SCMH1: variants seen among roughly 807,000 people sequenced by gnomAD.
SCMH1 encodes the protein polycomb protein SCMH1.
SCMH1 carries 37 observed loss-of-function variants against 70.8 expected under a neutral mutation model. The observed-to-expected ratio is 0.52, with a 90% confidence interval of 0.40 to 0.69. SCMH1 has a LOEUF of 0.69. Ranked by LOEUF, SCMH1 falls within the 30% of genes least tolerant of loss-of-function variation. The probability of loss-of-function intolerance (pLI) is 0.00; values close to 1 mark genes in which losing one functional copy is unlikely to be tolerated. For missense variants in SCMH1, 607 were observed against 827.3 expected (o/e 0.73, Z 3.27); for synonymous variants, 292 against 307.4 (o/e 0.95, Z 0.52).
chr1:41,193,840 TTA>T (rs1397952454), intron 1 of SCMH1, among the ~76,000 whole-genome samples: 1 of 152,146 alleles, frequency 6.6e-6, no homozygotes, highest in African/African-American at 2.4e-5. Context: ...CATCCCAAGA[TTA>T]TATGTTAGCT....
intron 2 of SCMH1, among the ~76,000 whole-genome samples, chr1:41,165,633 TG>T (rs1225483055): frequency 6.6e-6 from 1 of 152,210 alleles, no homozygotes; most frequent in Non-Finnish European, 1.5e-5. Flanking sequence ...ATTTCTCTGA[TG>T]ATTAGAGATG....
chr1:41,107,405 T>C (rs2147788181), intron 8 of SCMH1, among the ~76,000 whole-genome samples: 1 of 152,034 alleles, frequency 6.6e-6, no homozygotes, highest in South Asian at 2.1e-4. Context: ...TTTGAATAAA[T>C]GGATGGATGA....
chr1:41,169,715 C>A (rs1646657377), intron 2 of SCMH1, among the ~76,000 whole-genome samples: 1 of 152,152 alleles, frequency 6.6e-6, no homozygotes. Flanking sequence ...TGTCATAAAT[C>A]CCTTCTGGGG....
At chr1:41,109,603 C>T (rs757001994) in intron 8 of SCMH1, among the ~76,000 whole-genome samples, 4 of 152,130 alleles carry the variant, frequency 2.6e-5, no homozygotes, top group Admixed American at 6.6e-5. Context: ...GAGGGAACAA[C>T]CTAACTGCTG....
intron 8 of SCMH1, among the ~76,000 whole-genome samples, chr1:41,104,346 G>C (rs1407718915): frequency 1.3e-5 from 2 of 152,176 alleles, no homozygotes; most frequent in East Asian, 1.9e-4. Flanking sequence ...ATATGCATAC[G>C]TGTGTTTATG....
At chr1:41,167,632 C>G (rs1557718130) in intron 2 of SCMH1, among the ~76,000 whole-genome samples, 3 of 152,120 alleles carry the variant, frequency 2.0e-5, no homozygotes, top group African/African-American at 7.2e-5. Context: ...TTCATTTCTT[C>G]TGGTTGTCCA....
At chr1:41,038,252 T>G (rs930396309) in intron 12 of SCMH1, among the ~76,000 whole-genome samples, 2 of 152,242 alleles carry the variant, frequency 1.3e-5, no homozygotes, top group East Asian at 3.8e-4. Flanking sequence ...AAAGGGAATC[T>G]TACCGTGATG....
At chr1:41,197,132 T>C (rs1653213700) in intron 1 of SCMH1, among the ~76,000 whole-genome samples, 1 of 152,086 alleles carries the variant, frequency 6.6e-6, no homozygotes, top group Non-Finnish European at 1.5e-5. Flanking sequence ...TGGAAAATGG[T>C]TGGCAGTTCT....
At chr1:41,214,239 T>C (rs548476242) in intron 1 of SCMH1, among the ~76,000 whole-genome samples, 1 of 152,304 alleles carries the variant, frequency 6.6e-6, no homozygotes, top group Non-Finnish European at 1.5e-5. Flanking sequence ...ACATTTATCA[T>C]TTATTTTCTA....
intron 2 of SCMH1, among the ~76,000 whole-genome samples, chr1:41,165,280 T>C (rs2148461052): frequency 6.6e-6 from 1 of 152,274 alleles, no homozygotes; most frequent in Non-Finnish European, 1.5e-5. Context: ...TCCATTCATA[T>C]ATTGATGGAC....
rs374777516 is a variant in SCMH1 at position 41,173,192 on chromosome 1, TC to T, written c.14-11761del. The stretch of plus-strand genomic sequence containing the variant: ...GGGAGAAATATATGTAAGCTATTAA[TC>T]CAATAAGGGATTAATATCCAGAACA... On this transcript the variant is annotated intron_variant, in intron 2 of 14. Transcript: ENST00000337495. Among the ~76,000 whole-genome samples, 178 of 152,106 alleles carry T rather than the reference TC, an allele frequency of 1.2e-3. 7 individuals carry two copies. In the South Asian group the frequency reaches 0.036, roughly 31 times the overall value.
chr1:41,121,996 A>G (rs1309181939), intron 6 of SCMH1, among the ~76,000 whole-genome samples: 3 of 152,158 alleles, frequency 2.0e-5, no homozygotes, highest in African/African-American at 4.8e-5. Context: ...CTCTACTGCT[A>G]TATTACCCTA....
intron 2 of SCMH1, among the ~76,000 whole-genome samples, chr1:41,163,550 T>G (rs75473241): frequency 8.6e-4 from 131 of 152,230 alleles, no homozygotes; most frequent in African/African-American, 3.1e-3. Flanking sequence ...GTCACTAAGG[T>G]GGTCGCTAAT....
intron 8 of SCMH1, among the ~76,000 whole-genome samples, chr1:41,102,806 G>A (rs1298746021): frequency 6.6e-6 from 1 of 152,102 alleles, no homozygotes; most frequent in Non-Finnish European, 1.5e-5. Context: ...TCAAGCTTAG[G>A]CCACTCAGAA....
chr1:41,070,142 C>T (rs916190841), intron 10 of SCMH1, among the ~76,000 whole-genome samples: 2 of 152,180 alleles, frequency 1.3e-5, no homozygotes, highest in Non-Finnish European at 2.9e-5. Context: ...GATGATTACC[C>T]ACCCATTTCA....
chr1:41,040,062 A>G (rs1350335575), intron 12 of SCMH1, among the ~76,000 whole-genome samples: 1 of 152,050 alleles, frequency 6.6e-6, no homozygotes, highest in Non-Finnish European at 1.5e-5. Flanking sequence ...GTCAATGATC[A>G]CTGCCTTTTT....
intron 10 of SCMH1, among the ~76,000 whole-genome samples, chr1:41,058,375 C>CTTTTT (rs1252087982): frequency 2.3e-4 from 9 of 38,980 alleles, no homozygotes; most frequent in African/African-American, 6.0e-4. Flanking sequence ...CATTTTCTTT[C>CTTTTT]TTGTTTTTTT....
chr1:41,087,542 C>G (rs1176083657), intron 8 of SCMH1, among the ~76,000 whole-genome samples: 1 of 151,302 alleles, frequency 6.6e-6, no homozygotes, highest in South Asian at 2.1e-4. Context: ...TAAAATGGCA[C>G]CCTAGACATA....
At chr1:41,177,455 A>C (rs1647284142) in intron 2 of SCMH1, among the ~76,000 whole-genome samples, 1 of 152,192 alleles carries the variant, frequency 6.6e-6, no homozygotes, top group Non-Finnish European at 1.5e-5. Context: ...CTAAAGGAGG[A>C]AGTTCGAACC....
Sources: gnomAD v4.1 joint callset for allele counts (sites outside exome capture counted in the v4.1 genomes callset) on GRCh38, gnomAD v4.1.1 for gene constraint, MANE v1.5 for transcripts, NCBI Gene and HGNC (gene_info 2026-07-23, HGNC 2026-07-21) for gene names.